The following RPS6KA4 variants were observed in gnomAD, a reference collection of about 807,000 sequenced individuals.
The protein encoded by RPS6KA4 is ribosomal protein S6 kinase alpha-4.
A neutral mutation model predicts 89.6 loss-of-function variants in RPS6KA4; 38 were observed. The observed-to-expected ratio is 0.42, with a 90% confidence interval of 0.33 to 0.56. The LOEUF is 0.56. Ranked by LOEUF, RPS6KA4 falls within the 20% of genes least tolerant of loss-of-function variation. The pLI is 0.07. For missense variants in RPS6KA4, 873 were observed against 1,098.8 expected (o/e 0.79, Z 2.90); for synonymous variants, 495 against 492.8 (o/e 1.00, Z -0.06).
intron 12 of RPS6KA4, 137 bp downstream of exon 12, chr11:64,368,934 C>A: frequency 1.2e-6 from 1 of 800,024 alleles, no homozygotes; most frequent in Non-Finnish European, 2.0e-6. Flanking sequence ...CAGGGAGGCG[C>A]AGGGAGTGGA....
intron 14 of RPS6KA4, 24 bp downstream of exon 14, chr11:64,369,917 G>C (rs748442770): frequency 1.3e-6 from 2 of 1,514,344 alleles, no homozygotes; most frequent in Admixed American, 2.1e-5. Context: ...TCCTTGAGGC[G>C]GGGTCAGGGT....
chr11:64,362,046 G>A lies in RPS6KA4; in HGVS notation c.906+44G>A, dbSNP rs1180881747. ...CCCATACCTCCTGGTGCATACCCAG[G>A]TGGGGCTGCTGTTCCAGGTTGAGGT... On this transcript the variant is annotated intron_variant, in intron 8 of 16. Coordinates refer to ENST00000334205, the MANE Select transcript of RPS6KA4 (RefSeq NM_003942.3). 2.6e-6 allele frequency: 4 copies of A among 1,567,262 alleles called. No homozygotes were observed. In the South Asian group the frequency reaches 4.7e-5, roughly 19 times the overall value.
Position 64,369,565 on chromosome 11 carries a change from C to A in RPS6KA4, c.1548C>A (p.Ala516=). Reference sequence around the variant, plus strand: ...AGATCCTGCGCAGCCTCGTGTCGGCCGTGAGCTTCATGCACGAGGAGGCGG... The same window carrying A: ...AGATCCTGCGCAGCCTCGTGTCGGCAGTGAGCTTCATGCACGAGGAGGCGG... ...ASQILRSLVS[A]VSFMHEEAGV... is the part of the protein sequence containing the mutation. Residue 516 remains alanine, a synonymous_variant, in exon 13 of 17, where the codon GCC becomes GCA. Coordinates refer to ENST00000334205, the MANE Select transcript of RPS6KA4 (RefSeq NM_003942.3). 1 of 1,607,050 alleles carries A rather than the reference C, an allele frequency of 6.2e-7. No homozygotes were observed. Among genetic ancestry groups the A allele is most frequent in the Non-Finnish European group, 8.5e-7 (1 of 1,177,374 alleles).
Position 64,361,207 on chromosome 11 carries a change from A to G in RPS6KA4, c.536A>G (p.Asp179Gly). The G allele has an allele frequency of 1.2e-6, 2 of 1,613,374 alleles. No individual in the cohort carries two copies. The highest frequency in any genetic ancestry group is 1.7e-6 in the Non-Finnish European group (2 of 1,179,956). ...TCCGAGGGCCACATTGTCCTCACGG[A>G]CTTCGGGCTGAGCAAGGAGTTCCTG... ...LDSEGHIVLT[D>G]FGLSKEFLTE... Residue 179 changes from aspartate (D) to glycine (G), a missense_variant, in exon 5 of 17, where the codon GAC becomes GGC. Around this residue, in one of 4 missense-constraint regions of RPS6KA4, gnomAD observed 542 missense variants for 736.4 expected, o/e 0.74. Coordinates refer to ENST00000334205, the MANE Select transcript of RPS6KA4 (RefSeq NM_003942.3). The surrounding 1 kb of genome is among the most constrained non-coding windows in gnomAD (Gnocchi z 4.7).
Position 64,361,045 on chromosome 11 carries a change from G to A in RPS6KA4, c.463-89G>A. The A allele has an allele frequency of 4.8e-6, 5 of 1,031,614 alleles. No individual in the cohort carries two copies. Among genetic ancestry groups the A allele is most frequent in the Non-Finnish European group, 7.2e-6 (5 of 696,612 alleles). 63.9% of individuals were successfully genotyped at this position (1,031,614 alleles called of 1,614,324 possible). The stretch of plus-strand genomic sequence containing the variant: ...TACAGGCAGATGACTTTCTCTGGGG[G>A]GTCTCCTTATCCTGAGCAGGGCCAG... On this transcript the variant is annotated intron_variant, in intron 4 of 16. Transcript: ENST00000334205. This position sits in a 1 kb window ranked among gnomAD's most constrained non-coding sequence, Gnocchi z 4.7.
At position 64,368,699 on chromosome 11, in the gene RPS6KA4, C is replaced by T. The variant is rs1378322648; in HGVS notation, c.1335-5C>T. The T allele has an allele frequency of 1.9e-6, 3 of 1,576,978 alleles. No homozygotes were observed. Among genetic ancestry groups the T allele is most frequent in the African/African-American group, 1.3e-5 (1 of 74,566 alleles). ...GACCGTAACTCCTTCTGCTCCGTCC[C>T]CCAGGCTGGAGGCGAACACGCAGCG... is the stretch of plus-strand genomic sequence containing the variant. On this transcript the variant is annotated splice_polypyrimidine_tract_variant and splice_region_variant and intron_variant, in intron 11 of 16. Transcript: ENST00000334205.
chr11:64,362,271 C>G (rs2036773958), intron 8 of RPS6KA4, among the ~76,000 whole-genome samples: 1 of 152,222 alleles, frequency 6.6e-6, no homozygotes, highest in Admixed American at 6.5e-5. Context: ...TGGACAGACC[C>G]AGAGAAGGCA....
At position 64,371,487 on chromosome 11, in the gene RPS6KA4, C is replaced by G; in HGVS notation, c.*7C>G. On this transcript the variant is annotated 3_prime_UTR_variant, in exon 17 of 17. Coordinates refer to ENST00000334205, the MANE Select transcript of RPS6KA4 (RefSeq NM_003942.3). Reference sequence around the variant, plus strand: ...CCCCCTGCCCCCCTCCTAATCCCCACCACTGTGACCCCCTTCCCTCATAGG... The same window carrying G: ...CCCCCTGCCCCCCTCCTAATCCCCAGCACTGTGACCCCCTTCCCTCATAGG... 9.5e-7 allele frequency: 1 copy of G among 1,052,988 alleles called. No individual in the cohort carries two copies. Among genetic ancestry groups the G allele is most frequent in the Non-Finnish European group, 1.4e-6 (1 of 710,408 alleles). The allele number at this position is 1,052,988 out of a possible 1,614,324, so 65.2% of individuals were successfully genotyped here.
intron 2 of RPS6KA4, 79 bp downstream of exon 2, chr11:64,359,528 C>T: frequency 6.8e-7 from 1 of 1,478,716 alleles, no homozygotes; most frequent in South Asian, 1.2e-5. Context: ...TGGGCCTGGG[C>T]CAGGCCACTG....
rs113246435 is a variant in RPS6KA4, at chr11:64,371,934, C to T, written c.*454C>T. On this transcript the variant is annotated 3_prime_UTR_variant, in exon 17 of 17. Coordinates refer to ENST00000334205, the MANE Select transcript of RPS6KA4 (RefSeq NM_003942.3). ...TGTGCAATTACGTCCACCAAAGACC[C>T]GTGTTGGGGGTACTGAAGGAGAGGC... 1 of 153,998 alleles carries T rather than the reference C, an allele frequency of 6.5e-6. No individual in the cohort carries two copies. Among genetic ancestry groups the T allele is most frequent in the Non-Finnish European group, 1.4e-5 (1 of 69,162 alleles). 9.5% of individuals were successfully genotyped at this position (153,998 alleles called of 1,614,324 possible). A position where few individuals can be genotyped will look rare whatever the true frequency, so the allele number is the denominator to read the frequency against.
rs1401915168 is a variant in RPS6KA4, at chr11:64,368,891, G to A, written c.1428+94G>A. 1.8e-5 allele frequency: 22 copies of A among 1,209,200 alleles called. No individual in the cohort carries two copies. In the East Asian group the frequency reaches 4.9e-4, roughly 27 times the overall value. 74.9% of individuals were successfully genotyped at this position (1,209,200 alleles called of 1,614,324 possible). The stretch of plus-strand genomic sequence containing the variant: ...GCGGGATCTAGGGGTGAATTGGGCG[G>A]GGCCTAGCGTTTGATTCGGGGCCCA... On this transcript the variant is annotated intron_variant, in intron 12 of 16. Transcript: ENST00000334205.
Position 64,361,624 on chromosome 11 carries a change from C to T in RPS6KA4, c.652-18C>T. On this transcript the variant is annotated intron_variant, in intron 6 of 16. Transcript: ENST00000334205. The surrounding 1 kb of genome is among the most constrained non-coding windows in gnomAD (Gnocchi z 4.7). ...AGGCAGGGGAGATGCAGGCCCTCACCCCGGCTCCACCCGGCAGGCTGTGGA... is the reference window on the plus strand; with the variant it reads ...AGGCAGGGGAGATGCAGGCCCTCACTCCGGCTCCACCCGGCAGGCTGTGGA... 9 of 1,613,316 alleles carry T rather than the reference C, an allele frequency of 5.6e-6. No homozygotes were observed. Among genetic ancestry groups the T allele is most frequent in the Non-Finnish European group, 6.8e-6 (8 of 1,179,890 alleles).
At position 64,365,592 on chromosome 11, in the gene RPS6KA4, C is replaced by T. The variant is rs547096929; in HGVS notation, c.1071+127C>T. 100 of 985,986 alleles carry T rather than the reference C, an allele frequency of 1.0e-4. 1 individual carries two copies. In the Admixed American group the frequency reaches 1.4e-3, roughly 14 times the overall value. The allele number at this position is 985,986 out of a possible 1,614,324, so 61.1% of individuals were successfully genotyped here. ...ATTGGGACTCAGCGTCTCCCCTAGA[C>T]GTCGCCACTTCAGTGGGACCTAGGG... On this transcript the variant is annotated intron_variant, in intron 9 of 16. Transcript: ENST00000334205.
At position 64,361,812 on chromosome 11, in the gene RPS6KA4, G is replaced by C. The variant is rs1222111006; in HGVS notation, c.756-40G>C. 6.3e-7 allele frequency: 1 copy of C among 1,585,964 alleles called. No individual in the cohort carries two copies. Among genetic ancestry groups the C allele is most frequent in the Admixed American group, 1.9e-5 (1 of 52,588 alleles). On this transcript the variant is annotated intron_variant, in intron 7 of 16. Coordinates refer to ENST00000334205, the MANE Select transcript of RPS6KA4 (RefSeq NM_003942.3). The surrounding 1 kb of genome is among the most constrained non-coding windows in gnomAD (Gnocchi z 4.7). ...GGCCTGCCTGGGCAGGGCTGTGGGT[G>C]GGGGGCTTGCTGCCCCTGACACCCC...
Position 64,370,842 on chromosome 11 carries a change from A to T in RPS6KA4, c.2121+116A>T, listed in dbSNP as rs1264852851. On this transcript the variant is annotated intron_variant, in intron 16 of 16. Transcript: ENST00000334205. This position sits in a 1 kb window ranked among gnomAD's most constrained non-coding sequence, Gnocchi z 4.1. ...GAGGTGAGGCCGGGCGCGGTGGCTC[A>T]CGCCTGTAATCCCAGCGCTTTGGGA... The T allele has an allele frequency of 1.5e-6, 2 of 1,304,486 alleles. No individual in the cohort carries two copies. Among genetic ancestry groups the T allele is most frequent in the East Asian group, 5.2e-5 (2 of 38,812 alleles). 80.8% of individuals were successfully genotyped at this position (1,304,486 alleles called of 1,614,324 possible).
At chr11:64,368,016 C>A in intron 9 of RPS6KA4, 116 bp from the exon 10 acceptor site, 4 of 1,050,158 alleles carry the variant, frequency 3.8e-6, no homozygotes, top group African/African-American at 1.6e-5. Context: ...AACTGGAACA[C>A]CCCCCACTGC....
rs200894902 is a variant in RPS6KA4 at position 64,370,315 on chromosome 11, G to C, written c.1888G>C (p.Glu630Gln). ...QAAEIMCKIREGRFSLDGEAW... is the reference protein window; with the variant it reads ...QAAEIMCKIRQGRFSLDGEAW... ...GGCCGAGATCATGTGCAAAATCCGC[G>C]AGGGGCGCTTCTCCCTTGACGGGGA... is the stretch of plus-strand genomic sequence containing the variant. The change falls in exon 15 of 17, where the codon GAG (glutamate) becomes CAG (glutamine). Residue 630 changes from glutamate (E) to glutamine (Q), a missense_variant. By Grantham distance (29) the Glu-to-Gln change is conservative. Coordinates refer to ENST00000334205, the MANE Select transcript of RPS6KA4 (RefSeq NM_003942.3). This position sits in a 1 kb window ranked among gnomAD's most constrained non-coding sequence, Gnocchi z 4.1. The C allele has an allele frequency of 3.6e-5, 58 of 1,595,078 alleles. No individual in the cohort carries two copies. In the Admixed American group the frequency reaches 9.5e-4, roughly 26 times the overall value.
Position 64,369,457 on chromosome 11 carries a change from C to T in RPS6KA4, c.1440C>T (p.Tyr480=). The change falls in exon 13 of 17, where the codon TAC becomes TAT. Residue 480 remains tyrosine (Y), a synonymous_variant. Transcript: ENST00000334205. ...HEVHHDQLHT[Y]LVLELLRGGE... ...CACGCCGCCCGCAGCTGCACACGTACCTGGTCCTGGAGCTGCTGCGGGGCG... is the reference window on the plus strand; with the variant it reads ...CACGCCGCCCGCAGCTGCACACGTATCTGGTCCTGGAGCTGCTGCGGGGCG... 1 of 1,605,820 alleles carries T rather than the reference C, an allele frequency of 6.2e-7. No homozygotes were observed. The highest frequency in any genetic ancestry group is 8.5e-7 in the Non-Finnish European group (1 of 1,178,086).
chr11:64,361,781 C>T lies in RPS6KA4; in HGVS notation c.755+36C>T. 1 of 1,586,682 alleles carries T rather than the reference C, an allele frequency of 6.3e-7. No individual in the cohort carries two copies. Among genetic ancestry groups the T allele is most frequent in the Non-Finnish European group, 8.6e-7 (1 of 1,168,806 alleles). The stretch of plus-strand genomic sequence containing the variant: ...CTGGACGTGGAGGGCGGCCAGAGGG[C>T]TGCAGGGCCTGCCTGGGCAGGGCTG... On this transcript the variant is annotated intron_variant, in intron 7 of 16. Coordinates refer to ENST00000334205, the MANE Select transcript of RPS6KA4 (RefSeq NM_003942.3). This position sits in a 1 kb window ranked among gnomAD's most constrained non-coding sequence, Gnocchi z 4.7.
Sources: allele counts gnomAD v4.1 joint callset (sites outside exome capture counted in the v4.1 genomes callset), GRCh38; gene constraint gnomAD v4.1.1; regional missense constraint gnomAD v4.1.1; non-coding constraint Gnocchi (gnomAD v3.1); transcripts MANE v1.5; gene names NCBI Gene and HGNC (gene_info 2026-07-23, HGNC 2026-07-21).